The following PDE1C variants were observed in gnomAD, a reference collection of about 807,000 sequenced individuals.
The protein encoded by PDE1C is dual specificity calcium/calmodulin-dependent 3',5'-cyclic nucleotide phosphodiesterase 1C.
PDE1C carries 62 observed loss-of-function variants against 93.1 expected under a neutral mutation model. The ratio of observed to expected loss-of-function variants is 0.67; its 90% CI spans 0.54 to 0.82. PDE1C has a LOEUF of 0.82. Among genes scored for constraint, PDE1C ranks in the 40% least tolerant of loss-of-function variants. PDE1C has a pLI of 0.00. For missense variants in PDE1C, 742 were observed against 884.6 expected (o/e 0.84, Z 2.04); for synonymous variants, 325 against 310.1 (o/e 1.05, Z -0.50).
At chr7:31,657,603 G>C in the PDE1C span, among the ~76,000 whole-genome samples, 1 of 152,116 alleles carries the variant, frequency 6.6e-6, no homozygotes, top group Non-Finnish European at 1.5e-5. Flanking sequence ...ATAATGGCAA[G>C]AGCCCTTCTG....
intron 2 of PDE1C, among the ~76,000 whole-genome samples, chr7:31,975,577 T>TTATA (rs138327648): frequency 4.6e-5 from 7 of 150,790 alleles, no homozygotes; most frequent in East Asian, 1.9e-4. Context: ...ATATCTAATT[T>TTATA]TATATATATA....
intron 3 of PDE1C, among the ~76,000 whole-genome samples, chr7:32,094,290 C>T (rs372639646): frequency 5.3e-5 from 8 of 152,154 alleles, no homozygotes; most frequent in African/African-American, 1.9e-4. Context: ...CTCCAGCCCA[C>T]CTCCTCTCAA....
intron 1 of PDE1C, among the ~76,000 whole-genome samples, chr7:32,348,344 A>C (rs931765802): frequency 6.6e-6 from 1 of 151,106 alleles, no homozygotes; most frequent in African/African-American, 2.4e-5. Flanking sequence ...CCAAAAATAA[A>C]AAACAAATGT....
intron 1 of PDE1C, among the ~76,000 whole-genome samples, chr7:32,249,601 A>T (rs1585027731): frequency 6.6e-6 from 1 of 152,304 alleles, no homozygotes; most frequent in East Asian, 1.9e-4. Flanking sequence ...ATCCCACCAC[A>T]CTGGCGACTA....
chr7:31,694,382 T>A, the PDE1C span, among the ~76,000 whole-genome samples: 5,268 of 104,468 alleles, frequency 0.05, 305 homozygotes, highest in African/African-American at 0.2. Flanking sequence ...TCTCTCTCTC[T>A]CTCAAACACA....
chr7:31,678,216 C>G, the PDE1C span, among the ~76,000 whole-genome samples: 1 of 151,966 alleles, frequency 6.6e-6, no homozygotes, highest in Non-Finnish European at 1.5e-5. Flanking sequence ...ATAAAAACAC[C>G]ATTTTTCTGG....
At chr7:31,800,520 C>G (rs1345514268) in intron 16 of PDE1C, among the ~76,000 whole-genome samples, 1 of 151,364 alleles carries the variant, frequency 6.6e-6, no homozygotes, top group African/African-American at 2.4e-5. Flanking sequence ...TGTCTTTGCC[C>G]TTTATTAAAA....
intron 1 of PDE1C, among the ~76,000 whole-genome samples, chr7:32,340,863 T>C (rs1286212203): frequency 6.6e-6 from 1 of 152,014 alleles, no homozygotes; most frequent in African/African-American, 2.4e-5. Flanking sequence ...AAGGGATGAA[T>C]AGATGGAGCA....
intron 2 of PDE1C, among the ~76,000 whole-genome samples, chr7:31,925,101 G>A (rs537648298): frequency 6.6e-6 from 1 of 151,120 alleles, no homozygotes; most frequent in Non-Finnish European, 1.5e-5. Flanking sequence ...GCATGCGCAT[G>A]AGTGTGTGTG....
At chr7:31,995,276 G>A (rs1056764357) in intron 2 of PDE1C, among the ~76,000 whole-genome samples, 1 of 152,258 alleles carries the variant, frequency 6.6e-6, no homozygotes, top group Admixed American at 6.5e-5. Flanking sequence ...GAGAGCCACT[G>A]CAGCCCCTCT....
At position 31,962,591 on chromosome 7, in the gene PDE1C, G is replaced by T. The variant is rs535784593; in HGVS notation, c.129-81731C>A. Among the ~76,000 whole-genome samples the T allele has an allele frequency of 1.2e-4, 19 of 152,276 alleles. 1 individual carries two copies. The South Asian group carries it at 3.7e-3, about 30-fold the overall frequency. On this transcript the variant is annotated intron_variant, in intron 2 of 17. Coordinates refer to ENST00000396191, the MANE Select transcript of PDE1C (RefSeq NM_001191057.4). ...AAACTGTGTAGCCTTAAAGTGCTCT[G>T]GCCTGAAAATCTAGAGAAGGCTTCA...
At chr7:31,785,437 T>C (rs989009197) in intron 16 of PDE1C, 2 of 152,074 alleles carry the variant, frequency 1.3e-5, no homozygotes, top group Non-Finnish European at 2.9e-5. Context: ...AGAATAAACA[T>C]GAATTCATGT....
chr7:31,849,174 T>C (rs891111848), intron 8 of PDE1C, among the ~76,000 whole-genome samples: 2 of 152,218 alleles, frequency 1.3e-5, no homozygotes, highest in Non-Finnish European at 2.9e-5. Context: ...CCAACTGATG[T>C]ATATTTCGTG....
intron 2 of PDE1C, among the ~76,000 whole-genome samples, chr7:32,015,824 A>T (rs192257752): frequency 6.6e-6 from 1 of 152,190 alleles, no homozygotes; most frequent in African/African-American, 2.4e-5. Context: ...AATTCACACA[A>T]GAAAGATTAT....
chr7:32,380,388 C>G (rs1191654100), intron 1 of PDE1C, among the ~76,000 whole-genome samples: 9 of 148,134 alleles, frequency 6.1e-5, no homozygotes, highest in South Asian at 2.2e-4. Flanking sequence ...TAGGCGCATG[C>G]CACCATGCCC....
chr7:31,726,071 T>C, the PDE1C span, among the ~76,000 whole-genome samples: 2 of 152,196 alleles, frequency 1.3e-5, no homozygotes, highest in Non-Finnish European at 2.9e-5. Flanking sequence ...AATACTCTTT[T>C]TGTTTGTCTT....
At chr7:31,641,841 G>A in the PDE1C span, among the ~76,000 whole-genome samples, 1 of 152,104 alleles carries the variant, frequency 6.6e-6, no homozygotes, top group South Asian at 2.1e-4. Context: ...TATTAGTGTG[G>A]CATTTAAGGC....
At chr7:31,960,525 T>C (rs1293647239) in intron 2 of PDE1C, among the ~76,000 whole-genome samples, 1 of 152,166 alleles carries the variant, frequency 6.6e-6, no homozygotes, top group African/African-American at 2.4e-5. Flanking sequence ...ATACAAACTG[T>C]AAAGTAGATA....
At chr7:31,967,601 C>G (rs1810222220) in intron 2 of PDE1C, among the ~76,000 whole-genome samples, 1 of 152,194 alleles carries the variant, frequency 6.6e-6, no homozygotes, top group South Asian at 2.1e-4. Flanking sequence ...TCCTCCCTAA[C>G]TCTTTTTATG....
Sources: gnomAD v4.1 joint callset for allele counts (sites outside exome capture counted in the v4.1 genomes callset) on GRCh38, gnomAD v4.1.1 for gene constraint, MANE v1.5 for transcripts, NCBI Gene and HGNC (gene_info 2026-07-23, HGNC 2026-07-21) for gene names.